Variants in IMPA2 observed in about 807,000 individuals in gnomAD.
IMPA2 encodes the protein IMP 2.
Under a neutral mutation model 35.1 loss-of-function variants are expected in IMPA2, and 32 were observed. That is an observed-to-expected ratio of 0.91 (90% CI 0.69 to 1.23). IMPA2 has a LOEUF of 1.23. IMPA2 is among the 50% of genes most tolerant of loss of function. The pLI, the probability that IMPA2 is intolerant of heterozygous loss-of-function variation, is 0.00. For synonymous variants in IMPA2, 135 were observed against 160.6 expected, an observed-to-expected ratio of 0.84 and a Z score of 1.20; for missense variants, 334 against 387.6, an observed-to-expected ratio of 0.86 and a Z score of 1.16.
chr18:12,029,365 C>T (rs902477533), intron 7 of IMPA2, among the ~76,000 whole-genome samples: 28 of 151,908 alleles, frequency 1.8e-4, no homozygotes, highest in East Asian at 7.7e-4. Context: ...CCGCCTGCCT[C>T]GGTCTCCCAA....
At chr18:11,984,056 T>A (rs1906584390) in intron 1 of IMPA2, among the ~76,000 whole-genome samples, 1 of 151,832 alleles carries the variant, frequency 6.6e-6, no homozygotes, top group African/African-American at 2.4e-5. Flanking sequence ...TGAGATGGAG[T>A]CTGTGTTCTA....
At chr18:11,990,075 G>T (rs531000298) in intron 1 of IMPA2, among the ~76,000 whole-genome samples, 1 of 152,168 alleles carries the variant, frequency 6.6e-6, no homozygotes, top group African/African-American at 2.4e-5. Flanking sequence ...CCTGGTTTGC[G>T]TCTTCTCTCT....
chr18:12,002,108 G>C (rs1174502174), intron 2 of IMPA2, among the ~76,000 whole-genome samples: 1 of 152,162 alleles, frequency 6.6e-6, no homozygotes, highest in Non-Finnish European at 1.5e-5. Flanking sequence ...AAATTTTGGG[G>C]ATTTAATTGT....
chr18:11,981,713 C>T lies in IMPA2; in HGVS notation c.44C>T (p.Pro15Leu). ...GACCAGGCGGCGCTGGCGGCCGGCC[C>T]CTGGGAGGAGTGCTTCCAGGCGGCC... The part of the protein sequence containing the change: ...GEDQAALAAG[P>L]WEECFQAAVQ... The change falls in exon 1 of 8, where the codon CCC becomes CTC. Residue 15 changes from proline to leucine, a missense_variant. Coordinates refer to ENST00000269159, the MANE Select transcript of IMPA2 (RefSeq NM_014214.3). 2 of 1,230,242 alleles carry T rather than the reference C, an allele frequency of 1.6e-6. No homozygotes were observed. Among genetic ancestry groups the T allele is most frequent in the Non-Finnish European group, 2.0e-6 (2 of 986,864 alleles). 76.2% of individuals were successfully genotyped at this position (1,230,242 alleles called of 1,614,324 possible).
At chr18:12,000,282 C>T (rs1907078231) in intron 2 of IMPA2, among the ~76,000 whole-genome samples, 1 of 151,518 alleles carries the variant, frequency 6.6e-6, no homozygotes, top group African/African-American at 2.4e-5. Flanking sequence ...CAGTGATCCT[C>T]CTGCTTCAGC....
chr18:11,990,282 C>T (rs913711077), intron 1 of IMPA2, among the ~76,000 whole-genome samples: 5 of 152,078 alleles, frequency 3.3e-5, no homozygotes, highest in African/African-American at 7.2e-5. Flanking sequence ...AGTGTGCAGG[C>T]GGACTGGGAG....
rs1598683062 is a variant in IMPA2 at position 11,989,763 on chromosome 18, A to T, written c.96+7998A>T. Reference sequence around the variant, plus strand: ...TGGTAGATGGCTCATCCCCACGGGGAGAGTGAGTCCTGGACTCTGTGGCCC... The same window carrying T: ...TGGTAGATGGCTCATCCCCACGGGGTGAGTGAGTCCTGGACTCTGTGGCCC... On this transcript the variant is annotated intron_variant, in intron 1 of 7. Transcript: ENST00000269159. Among the ~76,000 whole-genome samples the T allele has an allele frequency of 2.0e-5, 3 of 152,116 alleles. No homozygotes were observed. In the South Asian group the frequency reaches 6.2e-4, roughly 32 times the overall value.
At chr18:11,989,613 C>T (rs551839761) in intron 1 of IMPA2, among the ~76,000 whole-genome samples, 10 of 152,174 alleles carry the variant, frequency 6.6e-5, no homozygotes, top group Admixed American at 5.9e-4. Context: ...ATTTTGCTAA[C>T]AAAAGCTGTC....
chr18:12,014,876 C>T (rs76649103), intron 5 of IMPA2, among the ~76,000 whole-genome samples: 1,787 of 152,228 alleles, frequency 0.012, 26 homozygotes, highest in African/African-American at 0.041. Flanking sequence ...TATGGCCTGC[C>T]GTGATTTCCT....
intron 5 of IMPA2, among the ~76,000 whole-genome samples, chr18:12,022,491 C>A (rs1174535874): frequency 7.4e-6 from 1 of 134,674 alleles, no homozygotes; most frequent in Non-Finnish European, 1.6e-5. Context: ...CCACTGCACT[C>A]CAGCCTGCTG....
At chr18:12,007,481 C>T (rs1041233019) in intron 2 of IMPA2, among the ~76,000 whole-genome samples, 30 of 152,252 alleles carry the variant, frequency 2.0e-4, no homozygotes, top group African/African-American at 5.5e-4. Context: ...CCACATGGTT[C>T]GTGCGGGGAA....
chr18:12,004,113 G>T (rs1907189850), intron 2 of IMPA2, among the ~76,000 whole-genome samples: 1 of 152,204 alleles, frequency 6.6e-6, no homozygotes, highest in Admixed American at 6.5e-5. Context: ...GGAAAAACAT[G>T]CTCCCAGCCA....
intron 2 of IMPA2, among the ~76,000 whole-genome samples, chr18:12,004,553 T>A (rs1907201832): frequency 6.7e-6 from 1 of 150,370 alleles, no homozygotes; most frequent in African/African-American, 2.5e-5. Context: ...TTTTTTGAGA[T>A]GGAGTCTTGC....
At chr18:12,007,628 C>CTTTCT (rs374480021) in intron 2 of IMPA2, among the ~76,000 whole-genome samples, 110 of 116,748 alleles carry the variant, frequency 9.4e-4, no homozygotes, top group African/African-American at 2.3e-3. Context: ...CTTTTTCTTT[C>CTTTCT]TTCTTTCTTT....
chr18:11,991,306 A>G lies in IMPA2; in HGVS notation c.97-7748A>G, dbSNP rs966548948. ...ACTAGAGATCAAGGTGAGGGGAAAA[A>G]TAGCCACGAGACTAAAGGAGGCGTT... On this transcript the variant is annotated intron_variant, in intron 1 of 7. Transcript: ENST00000269159. This position sits in a 1 kb window ranked among gnomAD's most constrained non-coding sequence, Gnocchi z 4.1. Among the ~76,000 whole-genome samples the G allele has an allele frequency of 1.3e-5, 2 of 152,100 alleles. No individual in the cohort carries two copies. Among genetic ancestry groups the G allele is most frequent in the African/African-American group, 4.8e-5 (2 of 41,424 alleles).
At position 12,000,140 on chromosome 18, in the gene IMPA2, A is replaced by G. The variant is rs28661588; in HGVS notation, c.230+953A>G. 5.5e-3 allele frequency among the ~76,000 whole-genome samples: 831 copies of G among 152,276 alleles called. 6 individuals carry two copies. The highest frequency in any genetic ancestry group is 0.019 in the African/African-American group (794 of 41,564). ...CTCTCCCTCAGTGTCCATTCAGCAC[A>G]TGGTAGGCTTAAAATACTTTTCTTT... On this transcript the variant is annotated intron_variant, in intron 2 of 7. Coordinates refer to ENST00000269159, the MANE Select transcript of IMPA2 (RefSeq NM_014214.3).
intron 5 of IMPA2, among the ~76,000 whole-genome samples, chr18:12,025,518 A>G (rs910534884): frequency 5.3e-5 from 8 of 152,212 alleles, no homozygotes; most frequent in African/African-American, 1.9e-4. Context: ...GTTGCTCCAC[A>G]TCCTGGCTGG....
Position 12,012,117 on chromosome 18 carries a change from C to T in IMPA2, c.336-53C>T, listed in dbSNP as rs933021990. On this transcript the variant is annotated intron_variant, in intron 3 of 7. Transcript: ENST00000269159. The stretch of plus-strand genomic sequence containing the variant: ...GGGAGCCGCACAGCACACAGGCTCC[C>T]GAGAGCTGCCGCTCTTGTTCCAGAG... The T allele has an allele frequency of 1.2e-5, 19 of 1,580,316 alleles. 1 individual carries two copies. The highest frequency in any genetic ancestry group is 8.1e-5 in the African/African-American group (6 of 74,202).
chr18:12,030,630 C>T lies in IMPA2; in HGVS notation c.*172C>T, dbSNP rs139523234. The T allele has an allele frequency of 1.5e-5, 9 of 594,746 alleles. No homozygotes were observed. Among genetic ancestry groups the T allele is most frequent in the African/African-American group, 7.5e-5 (4 of 53,690 alleles). The allele number at this position is 594,746 out of a possible 1,614,324, so 36.8% of individuals were successfully genotyped here. A position where few individuals can be genotyped will look rare whatever the true frequency, so the allele number is the denominator to read the frequency against. On this transcript the variant is annotated 3_prime_UTR_variant, in exon 8 of 8. Transcript: ENST00000269159. ...GCTGGCCTTTTAAATCGACGTCTCT[C>T]TCACCAGGATTTGGTGTTTAGCTGT...
Sources: gnomAD v4.1 joint callset for allele counts (sites outside exome capture counted in the v4.1 genomes callset) on GRCh38, gnomAD v4.1.1 for gene constraint, Gnocchi (gnomAD v3.1) non-coding constraint, MANE v1.5 for transcripts, NCBI Gene and HGNC (gene_info 2026-07-23, HGNC 2026-07-21) for gene names.